The following MAP4K2 variants were observed in gnomAD, a reference collection of about 807,000 sequenced individuals.
The protein encoded by MAP4K2 is B lymphocyte serine/threonine protein kinase.
In MAP4K2, 85 loss-of-function variants were observed where a neutral mutation model predicts 125.3. That is an observed-to-expected ratio of 0.68 (90% CI 0.57 to 0.81). MAP4K2 has a LOEUF of 0.81. Among genes scored for constraint, MAP4K2 ranks in the 40% least tolerant of loss-of-function variants. The pLI is 0.00. For missense variants in MAP4K2, 923 were observed against 1,056.4 expected (o/e 0.87, Z 1.75); for synonymous variants, 479 against 445.1 (o/e 1.08, Z -0.96).
rs759104798 is a variant in MAP4K2, at chr11:64,799,701, C to G, written c.916-18G>C. The stretch of plus-strand genomic sequence containing the variant: ...TCATAGGTCTAAGGAAAAACAGAAA[C>G]AGTGTGGACACACCTGGCACGCGCC... On this transcript the variant is annotated intron_variant, in intron 12 of 31. Coordinates refer to ENST00000294066, the MANE Select transcript of MAP4K2 (RefSeq NM_004579.5). 5.0e-6 allele frequency: 8 copies of G among 1,608,376 alleles called. No homozygotes were observed. Among genetic ancestry groups the G allele is most frequent in the Non-Finnish European group, 6.8e-6 (8 of 1,175,668 alleles).
rs1592618479 is a variant in MAP4K2, at chr11:64,802,832, C to T, written c.154+53G>A. The T allele has an allele frequency of 1.8e-5, 28 of 1,562,654 alleles. 1 individual carries two copies. The East Asian group carries it at 6.6e-4, about 37-fold the overall frequency. On this transcript the variant is annotated intron_variant, in intron 2 of 31. Coordinates refer to ENST00000294066, the MANE Select transcript of MAP4K2 (RefSeq NM_004579.5). ...GTCAACCCTCCGCCCGCACCCCGCG[C>T]CCGCGGGCGCTCTGCCCTTCCTCTG...
chr11:64,791,252 C>T (rs1286555715), intron 27 of MAP4K2, among the ~76,000 whole-genome samples: 1 of 152,240 alleles, frequency 6.6e-6, no homozygotes, highest in Non-Finnish European at 1.5e-5. Flanking sequence ...CATCACTGCT[C>T]ATTATCACCC....
intron 2 of MAP4K2, 78 bp downstream of exon 2, chr11:64,802,807 G>C (rs1941302890): frequency 6.6e-7 from 1 of 1,519,948 alleles, no homozygotes; most frequent in Non-Finnish European, 8.9e-7. Context: ...TCTCGGAAAC[G>C]TCAACCCTCC....
chr11:64,800,934 G>T lies in MAP4K2; in HGVS notation c.628C>A (p.Leu210Met). The change falls in exon 9 of 32, where the codon CTG (leucine) becomes ATG (methionine). Residue 210 changes from leucine to methionine, a missense_variant. By Grantham distance (15) the Leu-to-Met change is conservative (BLOSUM62 2). This residue lies in a region of MAP4K2 where 833 missense variants were observed against 911.4 expected (regional missense o/e 0.91). Transcript: ENST00000294066. ...LGITAIELGELQPPLFHLHPM... is the reference protein window; with the variant it reads ...LGITAIELGEMQPPLFHLHPM... ...TGCAGGTGGAACAGAGGGGGCTGCAGCTCGCCCAGCTCAATGGCAGTGATG... is the reference window on the plus strand; with the variant it reads ...TGCAGGTGGAACAGAGGGGGCTGCATCTCGCCCAGCTCAATGGCAGTGATG... 1 of 1,614,038 alleles carries T rather than the reference G, an allele frequency of 6.2e-7. No individual in the cohort carries two copies. Among genetic ancestry groups the T allele is most frequent in the Non-Finnish European group, 8.5e-7 (1 of 1,180,014 alleles).
Position 64,797,691 on chromosome 11 carries a change from G to A in MAP4K2, c.1098-27C>T, listed in dbSNP as rs200168816. 6.1e-6 allele frequency: 9 copies of A among 1,469,350 alleles called. No homozygotes were observed. In the African/African-American group the frequency reaches 1.2e-4, roughly 19 times the overall value. The allele number at this position is 1,469,350 out of a possible 1,614,324, so 91.0% of individuals were successfully genotyped here. ...TGGGCAGTGGGGAAAAGGGGTCAGAGGTCAACCTTTCCTTTTTTTTTTTTT... is the reference window on the plus strand; with the variant it reads ...TGGGCAGTGGGGAAAAGGGGTCAGAAGTCAACCTTTCCTTTTTTTTTTTTT... On this transcript the variant is annotated intron_variant, in intron 15 of 31. Transcript: ENST00000294066.
intron 13 of MAP4K2, 25 bp from the exon 14 acceptor site, chr11:64,799,504 G>A (rs771708842): frequency 6.2e-7 from 1 of 1,611,886 alleles, no homozygotes; most frequent in Non-Finnish European, 8.5e-7. Context: ...GTACAAGAGT[G>A]AAGGAGCTGG....
rs1225356559 is a variant in MAP4K2 at position 64,799,991 on chromosome 11, G to C, written c.915+118C>G. ...CAGAGACTCCTAATGGGAGGGCTCAGCTGAGGCCAGCTCCCTGAGCTGGAA... is the reference window on the plus strand; with the variant it reads ...CAGAGACTCCTAATGGGAGGGCTCACCTGAGGCCAGCTCCCTGAGCTGGAA... On this transcript the variant is annotated intron_variant, in intron 12 of 31. Transcript: ENST00000294066. 3.4e-6 allele frequency: 3 copies of C among 875,690 alleles called. No homozygotes were observed. The African/African-American group carries it at 5.0e-5, about 15-fold the overall frequency. The allele number at this position is 875,690 out of a possible 1,614,324, so 54.2% of individuals were successfully genotyped here. A position where few individuals can be genotyped will look rare whatever the true frequency, so the allele number is the denominator to read the frequency against.
chr11:64,800,769 A>G lies in MAP4K2; in HGVS notation c.720T>C (p.Thr240=). 6.2e-7 allele frequency: 1 copy of G among 1,605,352 alleles called. No individual in the cohort carries two copies. The highest frequency in any genetic ancestry group is 2.2e-5 in the East Asian group (1 of 44,558). The change falls in exon 10 of 32, where the codon ACT becomes ACC. Residue 240 remains threonine (T), a synonymous_variant. Transcript: ENST00000294066. ...SFQPPKLRDK[T]RWTQNFHHFL... is the part of the protein sequence containing the mutation. Reference sequence around the variant, plus strand: ...CAGCAGGGTGTGGCCCTTACCAGCGAGTCTTATCTCTCAGTTTGGGCGGCT... The same window carrying G: ...CAGCAGGGTGTGGCCCTTACCAGCGGGTCTTATCTCTCAGTTTGGGCGGCT...
rs1170264965 is a variant in MAP4K2 at position 64,786,309 on chromosome 11, G to A, written c.*3228C>T. 1.3e-5 allele frequency: 2 copies of A among 152,132 alleles called. No homozygotes were observed. The highest frequency in any genetic ancestry group is 4.8e-5 in the African/African-American group (2 of 41,416). 9.4% of individuals were successfully genotyped at this position (152,132 alleles called of 1,614,324 possible). Reference sequence around the variant, plus strand: ...CAGCCCTGCAGTTGGCTTTGGATATGGTAAACCTAAGGAAAGTAAAGCTCA... The same window carrying A: ...CAGCCCTGCAGTTGGCTTTGGATATAGTAAACCTAAGGAAAGTAAAGCTCA... On this transcript the variant is annotated 3_prime_UTR_variant, in exon 32 of 32. Transcript: ENST00000294066.
Position 64,785,839 on chromosome 11 carries a change from C to T in MAP4K2, c.*3698G>A, listed in dbSNP as rs1048859640. On this transcript the variant is annotated 3_prime_UTR_variant, in exon 32 of 32. Transcript: ENST00000294066. Reference sequence around the variant, plus strand: ...TCCTGGGTTCAAGTGATCTGCCTGCCTCAGTTTCCCAAAGTGCTGGGATTA... The same window carrying T: ...TCCTGGGTTCAAGTGATCTGCCTGCTTCAGTTTCCCAAAGTGCTGGGATTA... 6.6e-6 allele frequency: 1 copy of T among 152,152 alleles called. No individual in the cohort carries two copies. Among genetic ancestry groups the T allele is most frequent in the Non-Finnish European group, 1.5e-5 (1 of 68,032 alleles). 9.4% of individuals were successfully genotyped at this position (152,152 alleles called of 1,614,324 possible). A position where few individuals can be genotyped will look rare whatever the true frequency, so the allele number is the denominator to read the frequency against.
At chr11:64,801,820 C>T (rs1941195114) in intron 5 of MAP4K2, 63 bp from the exon 6 acceptor site, 1 of 1,569,530 alleles carries the variant, frequency 6.4e-7, no homozygotes, top group Non-Finnish European at 8.7e-7. Context: ...CCCAAACCCC[C>T]TCTCAGGACT....
Position 64,799,986 on chromosome 11 carries a change from G to T in MAP4K2, c.915+123C>A, listed in dbSNP as rs1192071559. On this transcript the variant is annotated intron_variant, in intron 12 of 31. Coordinates refer to ENST00000294066, the MANE Select transcript of MAP4K2 (RefSeq NM_004579.5). ...CATGACAGAGACTCCTAATGGGAGG[G>T]CTCAGCTGAGGCCAGCTCCCTGAGC... 10 of 820,386 alleles carry T rather than the reference G, an allele frequency of 1.2e-5. No individual in the cohort carries two copies. The South Asian group carries it at 1.4e-4, about 12-fold the overall frequency. 50.8% of individuals were successfully genotyped at this position (820,386 alleles called of 1,614,324 possible).
chr11:64,797,327 T>C lies in MAP4K2; in HGVS notation c.1224A>G (p.Leu408=). Residue 408 remains leucine, a synonymous_variant, in exon 18 of 32, where the codon CTA becomes CTG. Transcript: ENST00000294066. ...CTGGAGGGTCAGTGGGGAGTGGCCC[T>C]AGGAACGGGGCCCGCTTGATGGTTC... ...TMGTIKRAPF[L]GPLPTDPPAE... 6.2e-7 allele frequency: 1 copy of C among 1,601,520 alleles called. No homozygotes were observed. Among genetic ancestry groups the C allele is most frequent in the Non-Finnish European group, 8.5e-7 (1 of 1,174,192 alleles).
In MAP4K2 at chr11:64,792,002, C is replaced by T; in HGVS notation, c.1999G>A (p.Gly667Arg). Residue 667 changes from glycine (G) to arginine (R), a missense_variant, in exon 27 of 32, where the codon GGG (glycine) becomes AGG (arginine). Physicochemically the swap from Gly to Arg is moderately radical, Grantham distance 125. Transcript: ENST00000294066. ...CCGGGCCCCTCAGGCCCCTCGGCCC[C>T]AACACACACCTGCGGCAGCTCCTTC... Reference protein sequence around the residue: ...DGKELPQVCVGAEGPEGPGCR... With the variant: ...DGKELPQVCVRAEGPEGPGCR... 6.2e-7 allele frequency: 1 copy of T among 1,601,170 alleles called. No individual in the cohort carries two copies.
chr11:64,798,940 C>T (rs528588677), intron 14 of MAP4K2, 103 bp from the exon 15 acceptor site: 22 of 965,436 alleles, frequency 2.3e-5, no homozygotes, highest in East Asian at 7.9e-5. Flanking sequence ...GACAGACAGA[C>T]GGGAAAGGTG....
chr11:64,793,900 C>T (rs1940639899), intron 24 of MAP4K2, among the ~76,000 whole-genome samples: 1 of 152,210 alleles, frequency 6.6e-6, no homozygotes, highest in African/African-American at 2.4e-5. Context: ...AGCAGACTCA[C>T]TTGGGGACTG....
chr11:64,801,731 C>A lies in MAP4K2; in HGVS notation c.393G>T (p.Gly131=). 6.2e-7 allele frequency: 1 copy of A among 1,613,774 alleles called. No individual in the cohort carries two copies. Among genetic ancestry groups the A allele is most frequent in the East Asian group, 2.2e-5 (1 of 44,878 alleles). ...LKGLHHLHSQ[G]KIHRDIKGAN... ...CTACCTTGATGTCTCTGTGGATCTT[C>A]CCCTGAGAATGCAGGTGGTGGAGCC... is the stretch of plus-strand genomic sequence containing the variant. Residue 131 remains glycine, a synonymous_variant, in exon 6 of 32, where the codon GGG becomes GGT. Coordinates refer to ENST00000294066, the MANE Select transcript of MAP4K2 (RefSeq NM_004579.5).
chr11:64,789,496 C>G lies in MAP4K2; in HGVS notation c.*41G>C. The G allele has an allele frequency of 6.5e-7, 1 of 1,535,948 alleles. No homozygotes were observed. Among genetic ancestry groups the G allele is most frequent in the Non-Finnish European group, 8.8e-7 (1 of 1,132,282 alleles). On this transcript the variant is annotated 3_prime_UTR_variant, in exon 32 of 32. Coordinates refer to ENST00000294066, the MANE Select transcript of MAP4K2 (RefSeq NM_004579.5). ...TGCCCAAAAGGGCCTGCAGCTAAGG[C>G]GTGGGGTGGGGCGGGGAGCCCCTGG...
rs368424359 is a variant in MAP4K2, at chr11:64,799,634, G to A, written c.965C>T (p.Pro322Leu). The A allele has an allele frequency of 6.2e-7, 1 of 1,614,024 alleles. No individual in the cohort carries two copies. Among genetic ancestry groups the A allele is most frequent in the Admixed American group, 1.7e-5 (1 of 60,014 alleles). The change falls in exon 13 of 32, where the codon CCA (proline) becomes CTA (leucine). Residue 322 changes from proline to leucine, a missense_variant. By Grantham distance (98) the Pro-to-Leu change is moderately conservative. This residue lies in a region of MAP4K2 where 833 missense variants were observed against 911.4 expected (regional missense o/e 0.91). Coordinates refer to ENST00000294066, the MANE Select transcript of MAP4K2 (RefSeq NM_004579.5). ...GATCTCCGAGGGGGTCCTCTCGGCT[G>A]GGCCGTGCTGCCCCCGGGAGTGAAT... Reference protein sequence around the residue: ...DTIHSRGQHGPAERTPSEIQF... With the variant: ...DTIHSRGQHGLAERTPSEIQF...
Sources: gnomAD v4.1 joint callset for allele counts (sites outside exome capture counted in the v4.1 genomes callset) on GRCh38, gnomAD v4.1.1 for gene constraint, gnomAD v4.1.1 regional missense constraint, MANE v1.5 for transcripts, NCBI Gene and HGNC (gene_info 2026-07-23, HGNC 2026-07-21) for gene names.